SUGP2: variants seen among roughly 807,000 people sequenced by gnomAD.
The protein encoded by SUGP2 is SURP and G-patch domain containing 2.
SUGP2 carries 24 observed loss-of-function variants against 90.5 expected under a neutral mutation model. The ratio of observed to expected loss-of-function variants is 0.27; its 90% CI spans 0.19 to 0.37. SUGP2 has a LOEUF of 0.37. Ranked by LOEUF, SUGP2 falls within the 10% of genes least tolerant of loss-of-function variation. The probability of loss-of-function intolerance (pLI) is 1.00; values close to 1 mark genes in which losing one functional copy is unlikely to be tolerated. For synonymous variants in SUGP2, 473 were observed against 513.4 expected, an observed-to-expected ratio of 0.92 and a Z score of 1.06; for missense variants, 1,233 against 1,363.3, an observed-to-expected ratio of 0.90 and a Z score of 1.51.
At position 19,033,412 on chromosome 19, in the gene SUGP2, G is replaced by A. The variant is rs1717736011; in HGVS notation, c.-12+25C>T. ...CTTCCCACCCCGGGAGCCACCCACC[G>A]ACGACGCCAGGGCCCGGGCCTCACC... On this transcript the variant is annotated intron_variant, in intron 1 of 10. Transcript: ENST00000452918. The A allele has an allele frequency of 1.4e-5, 18 of 1,302,226 alleles. No individual in the cohort carries two copies. In the Admixed American group the frequency reaches 1.9e-4, roughly 14 times the overall value. 80.7% of individuals were successfully genotyped at this position (1,302,226 alleles called of 1,614,324 possible).
At chr19:19,011,835 AAAAT>A (rs755484852) in intron 4 of SUGP2, among the ~76,000 whole-genome samples, 1 of 152,210 alleles carries the variant, frequency 6.6e-6, no homozygotes, top group Non-Finnish European at 1.5e-5. Flanking sequence ...CATCTCTTTA[AAAAT>A]AAATAAATAA....
intron 8 of SUGP2, among the ~76,000 whole-genome samples, chr19:18,997,777 C>T (rs62138088): frequency 0.26 from 28,818 of 110,108 alleles, 3,463 homozygotes; most frequent in South Asian, 0.33. Flanking sequence ...AGGGAGACTC[C>T]GTCTCAAAAA....
rs772600973 is a variant in SUGP2 at position 19,025,863 on chromosome 19, T to C, written c.485A>G (p.Tyr162Cys). The change falls in exon 3 of 11, where the codon TAT (tyrosine) becomes TGT (cysteine). Residue 162 changes from tyrosine to cysteine, a missense_variant. Tyr to Cys is a radical substitution (Grantham distance 194). This residue lies in a region of SUGP2 where 418 missense variants were observed against 399.9 expected (regional missense o/e 1.05). Coordinates refer to ENST00000452918, the MANE Select transcript of SUGP2 (RefSeq NM_001017392.5). ...VSQESSWSQE[Y>C]SFGPSAVLGD... ...CAAAACTGCAGAGGGACCAAAACTA[T>C]ACTCCTGTGACCAAGAGGACTCTTG... 4.3e-6 allele frequency: 7 copies of C among 1,613,990 alleles called. No individual in the cohort carries two copies. In the African/African-American group the frequency reaches 9.3e-5, roughly 22 times the overall value.
intron 1 of SUGP2, among the ~76,000 whole-genome samples, chr19:19,031,533 C>CAAAA (rs912857757): frequency 2.8e-5 from 2 of 71,904 alleles, no homozygotes; most frequent in Non-Finnish European, 6.1e-5. Flanking sequence ...GACTCCGTCT[C>CAAAA]AAAAAAAAAA....
At chr19:19,030,159 CAAAAAACAA>C (rs1302877019) in intron 2 of SUGP2, among the ~76,000 whole-genome samples, 3 of 150,514 alleles carry the variant, frequency 2.0e-5, no homozygotes, top group East Asian at 3.9e-4. Flanking sequence ...TTAAAAAAAA[CAAAAAACAA>C]AAAAAACAAA....
At chr19:19,030,715 G>A (rs972673335) in intron 2 of SUGP2, among the ~76,000 whole-genome samples, 2 of 152,170 alleles carry the variant, frequency 1.3e-5, no homozygotes, top group Non-Finnish European at 2.9e-5. Flanking sequence ...GAGCCTAGGA[G>A]TTCAAGGGTG....
rs955491211 is a variant in SUGP2 at position 18,990,964 on chromosome 19, C to T, written c.*2777G>A. The stretch of plus-strand genomic sequence containing the variant: ...TCACAACTTCTTAGATCTTAAAAAA[C>T]AGAAACAAAAGAAAACTTCCATTTT... On this transcript the variant is annotated 3_prime_UTR_variant, in exon 11 of 11. Transcript: ENST00000452918. The T allele has an allele frequency of 2.0e-5, 3 of 152,250 alleles. No individual in the cohort carries two copies. The highest frequency in any genetic ancestry group is 2.9e-5 in the Non-Finnish European group (2 of 68,048). The allele number at this position is 152,250 out of a possible 1,614,324, so 9.4% of individuals were successfully genotyped here.
chr19:19,012,734 C>T (rs2058352270), intron 4 of SUGP2, among the ~76,000 whole-genome samples: 1 of 152,208 alleles, frequency 6.6e-6, no homozygotes, highest in African/African-American at 2.4e-5. Context: ...TGTTTATGCT[C>T]ATTTCCTGTG....
chr19:19,009,430 G>T (rs1168742786), intron 5 of SUGP2, among the ~76,000 whole-genome samples: 1 of 152,196 alleles, frequency 6.6e-6, no homozygotes, highest in Non-Finnish European at 1.5e-5. Context: ...AAGCAGTGCA[G>T]GTCAGCGAAC....
At chr19:19,008,484 A>G in intron 5 of SUGP2, 56 bp from the exon 6 acceptor site, 1 of 1,393,066 alleles carries the variant, frequency 7.2e-7, no homozygotes, top group Non-Finnish European at 1.0e-6. Flanking sequence ...CTCCCCGTGT[A>G]AACACTGCAG....
Position 19,033,511 on chromosome 19 carries a change from C to A in SUGP2, c.-86G>T. 1 of 1,403,962 alleles carries A rather than the reference C, an allele frequency of 7.1e-7. No individual in the cohort carries two copies. The allele number at this position is 1,403,962 out of a possible 1,614,324, so 87.0% of individuals were successfully genotyped here. ...CACCCGCCGCCGCCGCCGCGCGAGG[C>A]GGGGACATGCAAATGAACCAACGGT... On this transcript the variant is annotated 5_prime_UTR_variant, in exon 1 of 11. Transcript: ENST00000452918.
At chr19:19,006,622 C>A (rs968361490) in intron 6 of SUGP2, among the ~76,000 whole-genome samples, 2 of 152,206 alleles carry the variant, frequency 1.3e-5, no homozygotes, top group African/African-American at 4.8e-5. Context: ...TCATGGGATG[C>A]CCCCAGCTGC....
At position 19,004,190 on chromosome 19, in the gene SUGP2, C is replaced by T. The variant is rs1171735929; in HGVS notation, c.2907G>A (p.Val969=). 5 of 1,569,604 alleles carry T rather than the reference C, an allele frequency of 3.2e-6. No individual in the cohort carries two copies. Among genetic ancestry groups the T allele is most frequent in the South Asian group, 1.2e-5 (1 of 84,476 alleles). The part of the protein sequence containing the change: ...KVGMIPAPKR[V]CLIQEPKVHE... ...CACCTTTTGGCTCCTGGATGAGACA[C>T]ACTCTCTTGGGAGCTGGAATCATGC... Residue 969 remains valine, a synonymous_variant, in exon 7 of 11, where the codon GTG becomes GTA. Coordinates refer to ENST00000452918, the MANE Select transcript of SUGP2 (RefSeq NM_001017392.5).
intron 4 of SUGP2, among the ~76,000 whole-genome samples, chr19:19,015,209 AAAT>A (rs1415805287): frequency 1.3e-3 from 7 of 5,384 alleles, no homozygotes; most frequent in South Asian, 9.6e-3. Context: ...CTCAAAAAAT[AAAT>A]AAATAAATAA....
intron 8 of SUGP2, chr19:18,999,050 G>A (rs1403804965): frequency 6.6e-6 from 1 of 152,382 alleles, no homozygotes; most frequent in Non-Finnish European, 1.5e-5. Context: ...GGTCCCCAGA[G>A]GGCAGGTCTG....
At chr19:19,030,795 A>G (rs2059123678) in intron 2 of SUGP2, among the ~76,000 whole-genome samples, 156 bp downstream of exon 2, 1 of 152,112 alleles carries the variant, frequency 6.6e-6, no homozygotes, top group African/African-American at 2.4e-5. Context: ...CAAAAAAGAA[A>G]CCAAACCAAA....
In SUGP2 at chr19:19,024,695, C is replaced by T. The variant is rs772573985; in HGVS notation, c.1653G>A (p.Pro551=). 38 of 1,614,078 alleles carry T rather than the reference C, an allele frequency of 2.4e-5. No homozygotes were observed. Among genetic ancestry groups the T allele is most frequent in the Non-Finnish European group, 3.0e-5 (35 of 1,180,050 alleles). ...PLQVKKAEPE[P]MREEEKMIPP... ...GAATCATTTTCTCCTCCTCTCGCAT[C>T]GGCTCTGGTTCGGCTTTCTTAACCT... Residue 551 remains proline, a synonymous_variant, in exon 3 of 11, where the codon CCG becomes CCA. Transcript: ENST00000452918.
intron 1 of SUGP2, among the ~76,000 whole-genome samples, chr19:19,031,554 T>G (rs1249924371): frequency 6.7e-6 from 1 of 150,034 alleles, no homozygotes; most frequent in Non-Finnish European, 1.5e-5. Context: ...AAAAAAAAAT[T>G]TCACCAGGCA....
At chr19:19,022,276 G>T (rs745852389) in intron 3 of SUGP2, among the ~76,000 whole-genome samples, 1 of 152,194 alleles carries the variant, frequency 6.6e-6, no homozygotes, top group African/African-American at 2.4e-5. Context: ...GAGCCACTGC[G>T]CCTGGCCCAT....
Sources: gnomAD v4.1 joint callset for allele counts (sites outside exome capture counted in the v4.1 genomes callset) on GRCh38, gnomAD v4.1.1 for gene constraint, gnomAD v4.1.1 regional missense constraint, MANE v1.5 for transcripts, NCBI Gene and HGNC (gene_info 2026-07-23, HGNC 2026-07-21) for gene names.